The following ERGIC1 variants were observed in gnomAD, a reference collection of about 807,000 sequenced individuals.
ERGIC1 encodes endoplasmic reticulum-Golgi intermediate compartment protein 1.
Under a neutral mutation model 38.3 loss-of-function variants are expected in ERGIC1, and 19 were observed. The ratio of observed to expected loss-of-function variants is 0.50; its 90% CI spans 0.35 to 0.73. ERGIC1 has a LOEUF of 0.73. ERGIC1 is among the 30% of genes least tolerant of loss of function. The probability of loss-of-function intolerance (pLI) is 0.01; values close to 1 mark genes in which losing one functional copy is unlikely to be tolerated. For synonymous variants in ERGIC1, 124 were observed against 157.6 expected (o/e 0.79, Z 1.60); for missense variants, 294 against 389.2 (o/e 0.76, Z 2.06).
chr5:172,909,602 G>T (rs575222096), intron 3 of ERGIC1, 65 bp from the exon 4 acceptor site: 40 of 1,455,932 alleles, frequency 2.7e-5, no homozygotes, highest in Non-Finnish European at 9.7e-7. Flanking sequence ...ATCCCCGGCT[G>T]TCCCCCGCAG....
chr5:172,858,360 C>T (rs899399703), intron 1 of ERGIC1, among the ~76,000 whole-genome samples: 2 of 152,218 alleles, frequency 1.3e-5, no homozygotes, highest in Admixed American at 1.3e-4. Flanking sequence ...TCAGCCCTTA[C>T]AGGGTGGTGA....
chr5:172,865,809 T>C (rs1376983042), intron 1 of ERGIC1, among the ~76,000 whole-genome samples: 1 of 152,244 alleles, frequency 6.6e-6, no homozygotes, highest in Non-Finnish European at 1.5e-5. Flanking sequence ...TTTTTATTGT[T>C]ATAGTACCTG....
chr5:172,935,172 A>G lies in ERGIC1; in HGVS notation c.643-16A>G. On this transcript the variant is annotated splice_polypyrimidine_tract_variant and intron_variant, in intron 8 of 9. Transcript: ENST00000393784. ...GACACAGTTTGTACTTCTGATTCTT[A>G]TATCCTCTACCCCAGGAATACGTCG... is the stretch of plus-strand genomic sequence containing the variant. 6.2e-7 allele frequency: 1 copy of G among 1,613,892 alleles called. No homozygotes were observed. The highest frequency in any genetic ancestry group is 8.5e-7 in the Non-Finnish European group (1 of 1,179,954).
chr5:172,873,640 G>A (rs1363812336), intron 1 of ERGIC1, among the ~76,000 whole-genome samples: 6 of 152,234 alleles, frequency 3.9e-5, no homozygotes, highest in African/African-American at 1.4e-4. Flanking sequence ...GGGAGGATCA[G>A]TGTTCAGTCT....
intron 8 of ERGIC1, chr5:172,934,776 G>A (rs773389207): frequency 3.8e-6 from 1 of 262,120 alleles, no homozygotes; most frequent in Non-Finnish European, 7.7e-6. Context: ...GCTCACCTCG[G>A]GGTCCCCAGC....
intron 2 of ERGIC1, among the ~76,000 whole-genome samples, chr5:172,896,450 G>A (rs1762723732): frequency 6.6e-6 from 1 of 152,230 alleles, no homozygotes; most frequent in Non-Finnish European, 1.5e-5. Context: ...CGTGTGGATG[G>A]CACCACAGAG....
At chr5:172,914,388 A>G (rs1052668620) in intron 4 of ERGIC1, among the ~76,000 whole-genome samples, 1 of 152,160 alleles carries the variant, frequency 6.6e-6, no homozygotes, top group African/African-American at 2.4e-5. Flanking sequence ...GGGTTCAATT[A>G]TGGTCAGCCC....
At chr5:172,945,358 C>T (rs1463735700) in intron 9 of ERGIC1, among the ~76,000 whole-genome samples, 3 of 152,204 alleles carry the variant, frequency 2.0e-5, no homozygotes, top group East Asian at 1.9e-4. Context: ...GGGCCCCCAG[C>T]GGCCACAAAG....
intron 4 of ERGIC1, among the ~76,000 whole-genome samples, chr5:172,909,969 G>A (rs1763165703): frequency 6.6e-6 from 1 of 152,200 alleles, no homozygotes; most frequent in African/African-American, 2.4e-5. Flanking sequence ...GGTTAACCCT[G>A]GAGAGCAGCT....
intron 5 of ERGIC1, chr5:172,915,118 C>T (rs1746952751): frequency 1.4e-6 from 1 of 694,154 alleles, no homozygotes; most frequent in Non-Finnish European, 2.6e-6. Flanking sequence ...TTGCAGCCCC[C>T]AGCCCTGGGT....
intron 1 of ERGIC1, among the ~76,000 whole-genome samples, chr5:172,873,870 C>T (rs1053817669): frequency 6.6e-6 from 1 of 152,210 alleles, no homozygotes; most frequent in African/African-American, 2.4e-5. Flanking sequence ...CTTTCCCGTC[C>T]CTCTGTTGAC....
At chr5:172,924,368 C>G (rs1763602834) in intron 6 of ERGIC1, among the ~76,000 whole-genome samples, 1 of 152,214 alleles carries the variant, frequency 6.6e-6, no homozygotes, top group African/African-American at 2.4e-5. Flanking sequence ...AGGTTACTTT[C>G]AGAAAAATGG....
chr5:172,886,929 G>T (rs944254068), intron 1 of ERGIC1, among the ~76,000 whole-genome samples: 2 of 152,106 alleles, frequency 1.3e-5, no homozygotes, highest in South Asian at 4.1e-4. Flanking sequence ...GAGTTGCAGA[G>T]ACCCCCAACC....
At chr5:172,910,814 C>T (rs941443205) in intron 4 of ERGIC1, among the ~76,000 whole-genome samples, 21 of 152,222 alleles carry the variant, frequency 1.4e-4, no homozygotes, top group East Asian at 1.2e-3. Flanking sequence ...CATGAGCCAC[C>T]GTGCCTGGCC....
At chr5:172,860,921 C>G (rs550689842) in intron 1 of ERGIC1, among the ~76,000 whole-genome samples, 1 of 152,202 alleles carries the variant, frequency 6.6e-6, no homozygotes, top group African/African-American at 2.4e-5. Flanking sequence ...CCGGCGAGAG[C>G]GGATGTAGGC....
At chr5:172,915,404 G>T (rs1763335682) in intron 5 of ERGIC1, 2 of 409,460 alleles carry the variant, frequency 4.9e-6, no homozygotes, top group South Asian at 4.0e-5. Context: ...AAGCATCAGG[G>T]ATGCTAAGTG....
chr5:172,888,645 C>T (rs1461864816), intron 1 of ERGIC1, 54 bp from the exon 2 acceptor site: 9 of 1,463,790 alleles, frequency 6.1e-6, no homozygotes, highest in Admixed American at 1.7e-5. Flanking sequence ...TGCCTGCTGC[C>T]TTGAGACCCA....
intron 6 of ERGIC1, among the ~76,000 whole-genome samples, chr5:172,924,814 T>C (rs910854405): frequency 2.0e-5 from 3 of 152,186 alleles, no homozygotes; most frequent in Non-Finnish European, 2.9e-5. Flanking sequence ...TCATTTTCTG[T>C]CCATCCATCT....
intron 3 of ERGIC1, among the ~76,000 whole-genome samples, chr5:172,904,056 G>A (rs1206580258): frequency 6.6e-6 from 1 of 152,098 alleles, no homozygotes; most frequent in Non-Finnish European, 1.5e-5. Flanking sequence ...AGCTTGACCT[G>A]GCAGTCATCC....
Sources: allele counts gnomAD v4.1 joint callset (sites outside exome capture counted in the v4.1 genomes callset), GRCh38; gene constraint gnomAD v4.1.1; transcripts MANE v1.5; gene names NCBI Gene and HGNC (gene_info 2026-07-23, HGNC 2026-07-21).